Variants in IDE observed in about 807,000 individuals in gnomAD.
IDE encodes insulin degrading enzyme.
In IDE, 58 loss-of-function variants were observed where a neutral mutation model predicts 133.2. The ratio of observed to expected loss-of-function variants is 0.44; its 90% confidence interval spans 0.35 to 0.54. The LOEUF (loss-of-function observed/expected upper bound fraction) is 0.54, where lower values mean the gene tolerates loss of function less well. Among genes scored for constraint, IDE ranks in the 20% least tolerant of loss-of-function variants. The pLI is 0.00. For missense variants in IDE, 981 were observed against 1,234.0 expected (o/e 0.79, Z 3.07); for synonymous variants, 396 against 421.3 (o/e 0.94, Z 0.73).
At position 92,487,089 on chromosome 10, in the gene IDE, G is replaced by A. The variant is rs1847041002; in HGVS notation, c.1656+107C>T. On this transcript the variant is annotated intron_variant, in intron 13 of 24. Transcript: ENST00000265986. ...GCTTTTTTGTCACCTATTAGGATGT[G>A]AGCCTCCCCAAATCAACATAGTACC... The A allele has an allele frequency of 7.6e-6, 8 of 1,046,684 alleles. No individual in the cohort carries two copies. The Admixed American group carries it at 1.8e-4, about 24-fold the overall frequency. The allele number at this position is 1,046,684 out of a possible 1,614,324, so 64.8% of individuals were successfully genotyped here. A position where few individuals can be genotyped will look rare whatever the true frequency, so the allele number is the denominator to read the frequency against.
At position 92,455,576 on chromosome 10, in the gene IDE, T is replaced by G. The variant is rs978823534; in HGVS notation, c.2964A>C (p.Gln988His). ...TCTAACATAACGTTATATTTCTTACTTGTGGCAAGGCTGGTGCTTGTGACA... is the reference window on the plus strand; with the variant it reads ...TCTAACATAACGTTATATTTCTTACGTGTGGCAAGGCTGGTGCTTGTGACA... ...INLSQAPALP[Q>H]PEVIQNMTEF... Residue 988 changes from glutamine to histidine, a missense_variant and splice_region_variant, in exon 24 of 25, where the codon CAA becomes CAC. Coordinates refer to ENST00000265986, the MANE Select transcript of IDE (RefSeq NM_004969.4). 1.3e-6 allele frequency: 2 copies of G among 1,559,038 alleles called. No homozygotes were observed. Among genetic ancestry groups the G allele is most frequent in the African/African-American group, 1.4e-5 (1 of 73,890 alleles).
intron 4 of IDE, among the ~76,000 whole-genome samples, chr10:92,529,407 G>A (rs1589484345): frequency 6.6e-6 from 1 of 152,138 alleles, no homozygotes; most frequent in African/African-American, 2.4e-5. Context: ...TCTGTACTGT[G>A]TATTGAGTCT....
At chr10:92,474,759 T>A in intron 17 of IDE, 82 bp downstream of exon 17, 1 of 1,253,060 alleles carries the variant, frequency 8.0e-7, no homozygotes, top group Non-Finnish European at 1.1e-6. Context: ...TTTAAAAGTA[T>A]AAACAGTCAA....
intron 1 of IDE, among the ~76,000 whole-genome samples, chr10:92,551,916 A>T (rs1229564693): frequency 6.6e-6 from 1 of 152,142 alleles, no homozygotes; most frequent in Non-Finnish European, 1.5e-5. Flanking sequence ...TAGGAAGATC[A>T]CTTGAGGCCA....
chr10:92,551,625 C>T (rs978656298), intron 1 of IDE, among the ~76,000 whole-genome samples: 6 of 149,880 alleles, frequency 4.0e-5, no homozygotes, highest in African/African-American at 1.5e-4. Flanking sequence ...AAATACTACA[C>T]AACTCCACTT....
chr10:92,521,690 A>AAATAAT (rs754219580), intron 4 of IDE, among the ~76,000 whole-genome samples: 8 of 151,418 alleles, frequency 5.3e-5, no homozygotes, highest in African/African-American at 1.9e-4. Context: ...ACAAAAATTA[A>AAATAAT]AATAATAATA....
At chr10:92,509,039 T>C (rs1162751965) in intron 6 of IDE, 149 bp from the exon 7 acceptor site, 1 of 626,632 alleles carries the variant, frequency 1.6e-6, no homozygotes, top group Admixed American at 2.7e-5. Context: ...CACAAAGAAA[T>C]AAATGACTCA....
rs1290188290 is a variant in IDE at position 92,452,347 on chromosome 10, G to A, written c.*2097C>T. 1 of 152,170 alleles carries A rather than the reference G, an allele frequency of 6.6e-6. No individual in the cohort carries two copies. Among genetic ancestry groups the A allele is most frequent in the Non-Finnish European group, 1.5e-5 (1 of 68,024 alleles). 9.4% of individuals were successfully genotyped at this position (152,170 alleles called of 1,614,324 possible). A position where few individuals can be genotyped will look rare whatever the true frequency, so the allele number is the denominator to read the frequency against. ...TTCACATCAACTGGTCAAAAAAGAAGACTTTCTTAAGAAGCCTCAGGTAAC... is the reference window on the plus strand; with the variant it reads ...TTCACATCAACTGGTCAAAAAAGAAAACTTTCTTAAGAAGCCTCAGGTAAC... On this transcript the variant is annotated 3_prime_UTR_variant, in exon 25 of 25. Coordinates refer to ENST00000265986, the MANE Select transcript of IDE (RefSeq NM_004969.4).
chr10:92,484,318 G>A (rs1846825730), intron 13 of IDE, among the ~76,000 whole-genome samples: 1 of 152,174 alleles, frequency 6.6e-6, no homozygotes, highest in Non-Finnish European at 1.5e-5. Context: ...GACTGAGGCA[G>A]GAGAATAGTT....
At chr10:92,534,109 C>G (rs1850099636) in intron 3 of IDE, among the ~76,000 whole-genome samples, 1 of 151,866 alleles carries the variant, frequency 6.6e-6, no homozygotes, top group Non-Finnish European at 1.5e-5. Flanking sequence ...CACGGTTGAC[C>G]AAGAAATTAA....
At chr10:92,561,012 G>C (rs940400104) in intron 1 of IDE, among the ~76,000 whole-genome samples, 7 of 152,098 alleles carry the variant, frequency 4.6e-5, no homozygotes, top group Non-Finnish European at 8.8e-5. Context: ...CAGAACTTTG[G>C]GAGGCCAAGG....
At chr10:92,487,566 C>T (rs145828068) in intron 12 of IDE, among the ~76,000 whole-genome samples, 4 of 152,274 alleles carry the variant, frequency 2.6e-5, no homozygotes, top group Non-Finnish European at 4.4e-5. Flanking sequence ...TCCAAAATGA[C>T]CAGCTGAGGA....
At chr10:92,534,019 G>A (rs1360985449) in intron 3 of IDE, among the ~76,000 whole-genome samples, 2 of 138,356 alleles carry the variant, frequency 1.4e-5, no homozygotes, top group South Asian at 2.2e-4. Context: ...GCGAAACTCC[G>A]TCTGAAAAAA....
chr10:92,522,279 T>G (rs535598729), intron 4 of IDE, among the ~76,000 whole-genome samples: 3 of 152,310 alleles, frequency 2.0e-5, no homozygotes, highest in African/African-American at 7.2e-5. Flanking sequence ...AAGCATCCTT[T>G]GTTATACTCA....
chr10:92,509,978 G>A (rs1212282741), intron 6 of IDE, 72 bp downstream of exon 6: 1 of 644,332 alleles, frequency 1.6e-6, no homozygotes, highest in Non-Finnish European at 2.6e-6. Flanking sequence ...ATTTTCACCT[G>A]TTCTATGGTA....
intron 6 of IDE, among the ~76,000 whole-genome samples, chr10:92,509,677 T>G (rs1285217177): frequency 6.6e-6 from 1 of 151,960 alleles, no homozygotes; most frequent in Non-Finnish European, 1.5e-5. Flanking sequence ...TCCCAGCATT[T>G]TGGGAGGCTG....
intron 1 of IDE, among the ~76,000 whole-genome samples, chr10:92,556,689 C>T (rs1006314732): frequency 6.6e-6 from 1 of 151,974 alleles, no homozygotes; most frequent in African/African-American, 2.4e-5. Flanking sequence ...ACCCAGGAGG[C>T]GGAGGTTGCA....
chr10:92,531,884 A>C lies in IDE; in HGVS notation c.525T>G (p.Asp175Glu). The C allele has an allele frequency of 6.4e-7, 1 of 1,567,794 alleles. No homozygotes were observed. Among genetic ancestry groups the C allele is most frequent in the African/African-American group, 1.4e-5 (1 of 73,634 alleles). The stretch of plus-strand genomic sequence containing the variant: ...TCACCTCTCTGTCTTTGCAACTTTC[A>C]TCGAACAAGGGGCACAGAAAAAACT... ...FAQFFLCPLF[D>E]ESCKDREVNA... Residue 175 changes from aspartate to glutamate, a missense_variant, in exon 4 of 25, where the codon GAT becomes GAG. Physicochemically the swap from Asp to Glu is conservative, Grantham distance 45 (BLOSUM62 2). Around this residue, in one of 2 missense-constraint regions of IDE, gnomAD observed 321 missense variants for 339.3 expected, o/e 0.95. Coordinates refer to ENST00000265986, the MANE Select transcript of IDE (RefSeq NM_004969.4).
intron 21 of IDE, among the ~76,000 whole-genome samples, chr10:92,461,994 G>A (rs549580087): frequency 6.6e-6 from 1 of 152,098 alleles, no homozygotes; most frequent in South Asian, 2.1e-4. Flanking sequence ...ATTTTTACGT[G>A]ACCATTTGCT....
Sources: allele counts gnomAD v4.1 joint callset (sites outside exome capture counted in the v4.1 genomes callset), GRCh38; gene constraint gnomAD v4.1.1; regional missense constraint gnomAD v4.1.1; transcripts MANE v1.5; gene names NCBI Gene and HGNC (gene_info 2026-07-23, HGNC 2026-07-21).